CCDC122: variants seen among roughly 807,000 people sequenced by gnomAD.
CCDC122 encodes coiled-coil domain-containing protein 122.
CCDC122 carries 38 observed loss-of-function variants against 37.0 expected under a neutral mutation model. The ratio of observed to expected loss-of-function variants is 1.03; its 90% confidence interval spans 0.79 to 1.35. The LOEUF (loss-of-function observed/expected upper bound fraction) is 1.35. Ranked by LOEUF, CCDC122 falls within the 40% of genes most tolerant of loss-of-function variation. The pLI, the probability that CCDC122 is intolerant of heterozygous loss-of-function variation, is 0.00. For synonymous variants in CCDC122, 83 were observed against 95.6 expected (o/e 0.87, Z 0.77); for missense variants, 305 against 310.0 (o/e 0.98, Z 0.12).
chr13:43,868,852 C>T (rs1954357799), intron 3 of CCDC122, 49 bp from the exon 4 acceptor site: 2 of 791,976 alleles, frequency 2.5e-6, no homozygotes, highest in Admixed American at 4.0e-5. Flanking sequence ...TAAAATACAG[C>T]CATTTTAAGA....
chr13:43,862,870 T>C (rs1221770073), intron 4 of CCDC122, among the ~76,000 whole-genome samples: 2 of 152,132 alleles, frequency 1.3e-5, no homozygotes, highest in Non-Finnish European at 2.9e-5. Context: ...TTATTGGCTT[T>C]AGTTTCTTTT....
chr13:43,835,412 TAACA>T (rs1382832047), downstream of CCDC122, among the ~76,000 whole-genome samples: 2 of 152,008 alleles, frequency 1.3e-5, no homozygotes, highest in Non-Finnish European at 2.9e-5. Context: ...TATACATGTG[TAACA>T]AACCTGCACA....
downstream of CCDC122, among the ~76,000 whole-genome samples, chr13:43,834,734 G>A (rs34854000): frequency 6.6e-6 from 1 of 152,182 alleles, no homozygotes; most frequent in Non-Finnish European, 1.5e-5. Flanking sequence ...GGCCATCAGA[G>A]AAATGCAAAT....
chr13:43,869,168 G>A (rs928024904), intron 3 of CCDC122, among the ~76,000 whole-genome samples, 163 bp downstream of exon 3: 4 of 151,936 alleles, frequency 2.6e-5, no homozygotes, highest in Admixed American at 6.6e-5. Flanking sequence ...GTATTTTCAG[G>A]TTGATATGCC....
chr13:43,840,565 T>C (rs9533647), intron 6 of CCDC122, among the ~76,000 whole-genome samples: 12,466 of 151,882 alleles, frequency 0.082, 590 homozygotes, highest in African/African-American at 0.1. Context: ...GTGCGTGATG[T>C]GATGTTCCCC....
At chr13:43,875,346 C>A (rs1229561579) in intron 1 of CCDC122, among the ~76,000 whole-genome samples, 3 of 152,158 alleles carry the variant, frequency 2.0e-5, no homozygotes, top group African/African-American at 7.2e-5. Context: ...TAGTGCCCTC[C>A]CGCACATCCA....
chr13:43,858,753 C>A, intron 6 of CCDC122, 28 bp downstream of exon 6: 2 of 1,332,926 alleles, frequency 1.5e-6, no homozygotes, highest in South Asian at 1.5e-5. Context: ...TCCCATAAAA[C>A]ATTGAAATCT....
chr13:43,874,095 T>C (rs1426815824), intron 2 of CCDC122, among the ~76,000 whole-genome samples: 1 of 152,240 alleles, frequency 6.6e-6, no homozygotes, highest in Non-Finnish European at 1.5e-5. Context: ...TTTCTCTTTT[T>C]AGAAGAATTG....
Position 43,870,710 on chromosome 13 carries a change from CA to C in CCDC122, c.-113-1222del, listed in dbSNP as rs200194630. ...AGATATTATTACAATGTTCATTTTA[CA>C]AAAAAAAGTACAGGGAGGTACACAA... On this transcript the variant is annotated intron_variant, in intron 2 of 6. Transcript: ENST00000444614. 2.3e-4 allele frequency among the ~76,000 whole-genome samples: 35 copies of C among 151,626 alleles called. No homozygotes were observed. In the Middle Eastern group the frequency reaches 0.017, roughly 74 times the overall value.
chr13:43,860,473 C>T (rs1954069472), intron 4 of CCDC122, among the ~76,000 whole-genome samples: 1 of 152,204 alleles, frequency 6.6e-6, no homozygotes, highest in Admixed American at 6.5e-5. Flanking sequence ...TTGCTATTTA[C>T]TACTTCGTAT....
rs2153869150 is a variant in CCDC122, at chr13:43,837,092, T to TGTAG, written c.*184_*187dup. The TGTAG allele has an allele frequency of 3.5e-6, 2 of 570,110 alleles. No individual in the cohort carries two copies. Among genetic ancestry groups the TGTAG allele is most frequent in the East Asian group, 5.8e-5 (2 of 34,320 alleles). The allele number at this position is 570,110 out of a possible 1,614,324, so 35.3% of individuals were successfully genotyped here. ...CTATTGTCTGTCTACTGCTATCAAG[T>TGTAG]GTAGGGTTAGAAGGCATTTTAACAA... On this transcript the variant is annotated 3_prime_UTR_variant, in exon 7 of 7. Coordinates refer to ENST00000444614, the MANE Select transcript of CCDC122 (RefSeq NM_144974.5).
intron 6 of CCDC122, among the ~76,000 whole-genome samples, chr13:43,840,630 C>T (rs9788406): frequency 0.38 from 57,334 of 151,780 alleles, 12,869 homozygotes; most frequent in Non-Finnish European, 0.52. Context: ...TGAGAACATG[C>T]GGTGTTTGGT....
chr13:43,823,697 GC>G (rs1193483131), downstream of CCDC122, among the ~76,000 whole-genome samples: 1 of 152,232 alleles, frequency 6.6e-6, no homozygotes, highest in East Asian at 1.9e-4. Flanking sequence ...CGCTAGGTGA[GC>G]CCAGCACAGC....
In CCDC122 at chr13:43,841,518, G is replaced by A. The variant is rs1269106045; in HGVS notation, c.673-4089C>T. 2.0e-5 allele frequency among the ~76,000 whole-genome samples: 3 copies of A among 152,116 alleles called. No homozygotes were observed. The East Asian group carries it at 5.8e-4, about 29-fold the overall frequency. On this transcript the variant is annotated intron_variant, in intron 6 of 6. Transcript: ENST00000444614. ...AAGGGTGTTATACATCTTTTCACGT[G>A]TTTATTGGTCATACTATGTCTTCTT...
At chr13:43,869,238 T>C (rs1954369631) in intron 3 of CCDC122, 93 bp downstream of exon 3, 1 of 923,412 alleles carries the variant, frequency 1.1e-6, no homozygotes, top group African/African-American at 1.6e-5. Context: ...TCTATTCTAA[T>C]TTGCTATCAA....
At chr13:43,875,283 C>G (rs1303355761) in intron 1 of CCDC122, among the ~76,000 whole-genome samples, 1 of 152,190 alleles carries the variant, frequency 6.6e-6, no homozygotes, top group East Asian at 1.9e-4. Context: ...TCCTCCCCCT[C>G]TAAACAAGTA....
At chr13:43,851,535 T>C (rs1449779403) in intron 6 of CCDC122, among the ~76,000 whole-genome samples, 2 of 152,026 alleles carry the variant, frequency 1.3e-5, no homozygotes, top group African/African-American at 4.8e-5. Flanking sequence ...AACTACACTG[T>C]CTCTGCCACT....
At position 43,858,836 on chromosome 13, in the gene CCDC122, GT is replaced by G. The variant is rs764929517; in HGVS notation, c.616del (p.Thr206LeufsTer14). 4.2e-6 allele frequency: 6 copies of G among 1,424,520 alleles called. No homozygotes were observed. Among genetic ancestry groups the G allele is most frequent in the African/African-American group, 1.4e-5 (1 of 69,296 alleles). 88.2% of individuals were successfully genotyped at this position (1,424,520 alleles called of 1,614,324 possible). A position where few individuals can be genotyped will look rare whatever the true frequency, so the allele number is the denominator to read the frequency against. ...CTTTTTTTCTTCCTCAAGAAAACAA[GT>G]TTTTTCAATGATAGATTCTTTTACA... ...ITVKESIIEK[T>X]CFLEEEKKTH... On this transcript the variant is annotated frameshift_variant, in exon 6 of 7. Transcript: ENST00000444614. LOFTEE classifies it high-confidence loss of function.
intron 6 of CCDC122, chr13:43,855,433 T>C (rs1365316336): frequency 3.3e-5 from 5 of 151,746 alleles, no homozygotes; most frequent in Non-Finnish European, 7.4e-5. Flanking sequence ...AAAAGATCTC[T>C]ACAAGTAGAA....
Sources: allele counts gnomAD v4.1 joint callset (sites outside exome capture counted in the v4.1 genomes callset), GRCh38; gene constraint gnomAD v4.1.1; transcripts MANE v1.5; gene names NCBI Gene and HGNC (gene_info 2026-07-23, HGNC 2026-07-21).